The following ROBO2 variants were observed in gnomAD, a reference collection of about 807,000 sequenced individuals.
ROBO2 encodes roundabout guidance receptor 2.
A neutral mutation model predicts 160.8 loss-of-function variants in ROBO2; 53 were observed. That is an observed-to-expected ratio of 0.33 (90% CI 0.26 to 0.41). The LOEUF (loss-of-function observed/expected upper bound fraction) is 0.41, where lower values mean the gene tolerates loss of function less well. Ranked by LOEUF, ROBO2 falls within the 10% of genes least tolerant of loss-of-function variation. The pLI is 1.00. For missense variants in ROBO2, 1,577 were observed against 1,722.4 expected (o/e 0.92, Z 1.49); for synonymous variants, 664 against 611.7 (o/e 1.09, Z -1.26).
chr3:77,022,465 T>C (rs894190323), intron 2 of ROBO2, among the ~76,000 whole-genome samples: 14 of 152,196 alleles, frequency 9.2e-5, no homozygotes, highest in African/African-American at 2.9e-4. Flanking sequence ...GAAAATATAT[T>C]AAGACACTGG....
At chr3:76,741,039 G>A (rs1274213784) in intron 2 of ROBO2, among the ~76,000 whole-genome samples, 1 of 152,016 alleles carries the variant, frequency 6.6e-6, no homozygotes, top group Non-Finnish European at 1.5e-5. Flanking sequence ...TAAAAGCTCT[G>A]ATGTTTACTA....
At chr3:76,239,271 C>G (rs1433988711) in intron 2 of ROBO2, among the ~76,000 whole-genome samples, 2 of 151,830 alleles carry the variant, frequency 1.3e-5, no homozygotes, top group African/African-American at 4.8e-5. Context: ...ATGGATACTA[C>G]TAAATAATCC....
At chr3:76,386,327 TTCCCTCCCTCCC>T (rs1179625016) in intron 2 of ROBO2, among the ~76,000 whole-genome samples, 10 of 122,768 alleles carry the variant, frequency 8.1e-5, no homozygotes, top group East Asian at 2.1e-4. Flanking sequence ...CCTTCCCTCC[TTCCCTCCCTCCC>T]TCCCTCCCTC....
At chr3:76,892,654 A>G (rs890877229) in intron 2 of ROBO2, among the ~76,000 whole-genome samples, 98 of 152,194 alleles carry the variant, frequency 6.4e-4, no homozygotes, top group African/African-American at 2.3e-3. Context: ...TACCAAAAAT[A>G]CAACTCTGGT....
At chr3:76,604,885 T>C (rs2087521677) in intron 2 of ROBO2, among the ~76,000 whole-genome samples, 1 of 152,142 alleles carries the variant, frequency 6.6e-6, no homozygotes, top group Non-Finnish European at 1.5e-5. Flanking sequence ...TCTAGGAAAA[T>C]TGTAAGTAAT....
rs548133350 is a variant in ROBO2 at position 77,527,457 on chromosome 3, G to C, written c.934+4555G>C. 1.1e-5 allele frequency: 14 copies of C among 1,256,954 alleles called. No homozygotes were observed. The Admixed American group carries it at 3.3e-4, about 30-fold the overall frequency. 77.9% of individuals were successfully genotyped at this position (1,256,954 alleles called of 1,614,324 possible). ...TATCCACTAAGCATGGCTTTGCACAGTGCTTCATAACTCATGCATAGTAAG... is the reference window on the plus strand; with the variant it reads ...TATCCACTAAGCATGGCTTTGCACACTGCTTCATAACTCATGCATAGTAAG... On this transcript the variant is annotated intron_variant, in intron 6 of 25. Transcript: ENST00000461745.
chr3:76,752,123 T>C (rs992319631), intron 2 of ROBO2, among the ~76,000 whole-genome samples: 5 of 152,126 alleles, frequency 3.3e-5, no homozygotes, highest in African/African-American at 1.2e-4. Context: ...TAAAAAAGGA[T>C]GAGTTCATGT....
chr3:76,221,066 C>T (rs143981806), intron 2 of ROBO2, among the ~76,000 whole-genome samples: 1 of 152,188 alleles, frequency 6.6e-6, no homozygotes. Flanking sequence ...TAGATATACT[C>T]TTCTTTACTT....
Position 76,203,691 on chromosome 3 carries a change from T to C in ROBO2, c.109+266089T>C, listed in dbSNP as rs528621616. ...AACAGATCACAGGTCACGGTTCTAG[T>C]AACCTGAGTGAGATTGCCTCAGGCT... On this transcript the variant is annotated intron_variant, in intron 2 of 26. Coordinates refer to the ROBO2 transcript ENST00000487694. Among the ~76,000 whole-genome samples, 669 of 152,070 alleles carry C rather than the reference T, an allele frequency of 4.4e-3. 8 individuals are homozygous for C. Among genetic ancestry groups the C allele is most frequent in the African/African-American group, 0.016 (646 of 41,358 alleles).
At chr3:76,995,943 C>T (rs1391752294) in intron 2 of ROBO2, among the ~76,000 whole-genome samples, 2 of 152,120 alleles carry the variant, frequency 1.3e-5, no homozygotes, top group Non-Finnish European at 2.9e-5. Flanking sequence ...TGTGCAGAAG[C>T]TCTTTAGTTT....
chr3:76,227,927 G>T (rs959401277), intron 2 of ROBO2, among the ~76,000 whole-genome samples: 1 of 152,020 alleles, frequency 6.6e-6, no homozygotes, highest in Non-Finnish European at 1.5e-5. Context: ...TTTAGATTTC[G>T]TTTAAAGATA....
At chr3:76,835,553 A>G (rs535326249) in intron 2 of ROBO2, among the ~76,000 whole-genome samples, 1 of 151,446 alleles carries the variant, frequency 6.6e-6, no homozygotes, top group African/African-American at 2.4e-5. Context: ...CATTGTTACA[A>G]AGGGATCGTT....
intron 2 of ROBO2, among the ~76,000 whole-genome samples, chr3:76,701,526 T>C (rs1442159632): frequency 1.3e-5 from 2 of 152,028 alleles, no homozygotes; most frequent in Non-Finnish European, 2.9e-5. Context: ...CTTTTACTGT[T>C]ATTGATTCAT....
chr3:77,290,130 T>A (rs1459950746), intron 2 of ROBO2, among the ~76,000 whole-genome samples: 3 of 150,872 alleles, frequency 2.0e-5, no homozygotes, highest in Non-Finnish European at 4.4e-5. Context: ...AGACATAAAG[T>A]AAAATTGATG....
At chr3:76,889,194 A>G (rs538230214) in intron 2 of ROBO2, among the ~76,000 whole-genome samples, 58 of 152,324 alleles carry the variant, frequency 3.8e-4, no homozygotes, top group African/African-American at 1.4e-3. Flanking sequence ...CAGACTGATC[A>G]CTGAGATGAG....
chr3:77,175,342 T>C (rs2080040339), intron 2 of ROBO2, among the ~76,000 whole-genome samples: 1 of 151,968 alleles, frequency 6.6e-6, no homozygotes, highest in Non-Finnish European at 1.5e-5. Flanking sequence ...GTTTTTGGGT[T>C]TTTTCGGGGT....
chr3:77,301,593 T>C (rs1047231369), intron 2 of ROBO2, among the ~76,000 whole-genome samples: 1 of 152,234 alleles, frequency 6.6e-6, no homozygotes, highest in Non-Finnish European at 1.5e-5. Context: ...ATATCTAAAT[T>C]CGCACATGAG....
intron 2 of ROBO2, among the ~76,000 whole-genome samples, chr3:77,370,215 T>C (rs2071533472): frequency 6.6e-6 from 1 of 152,198 alleles, no homozygotes; most frequent in Non-Finnish European, 1.5e-5. Context: ...TGGTTCTTGA[T>C]CTAGATAAGT....
At chr3:76,715,457 A>C (rs1438480005) in intron 2 of ROBO2, among the ~76,000 whole-genome samples, 1 of 152,208 alleles carries the variant, frequency 6.6e-6, no homozygotes, top group African/African-American at 2.4e-5. Flanking sequence ...GGTGCAGTCT[A>C]GCTCAGTAGC....
Sources: gnomAD v4.1 joint callset for allele counts (sites outside exome capture counted in the v4.1 genomes callset) on GRCh38, gnomAD v4.1.1 for gene constraint, MANE v1.5 for transcripts, NCBI Gene and HGNC (gene_info 2026-07-23, HGNC 2026-07-21) for gene names.